Variants in EXOC4 observed in about 807,000 individuals in gnomAD.
EXOC4 encodes SEC8-like 1.
A neutral mutation model predicts 107.2 loss-of-function variants in EXOC4; 71 were observed. The ratio of observed to expected loss-of-function variants is 0.66; its 90% CI spans 0.55 to 0.81. The LOEUF is 0.81. EXOC4 is among the 30% of genes least tolerant of loss of function. The pLI is 0.00. For missense variants in EXOC4, 1,108 were observed against 1,189.6 expected (o/e 0.93, Z 1.01); for synonymous variants, 456 against 441.2 (o/e 1.03, Z -0.42).
chr7:133,822,139 A>G (rs1188172231), intron 11 of EXOC4, among the ~76,000 whole-genome samples: 1 of 152,202 alleles, frequency 6.6e-6, no homozygotes, highest in Non-Finnish European at 1.5e-5. Flanking sequence ...AAGCATGTTG[A>G]TTCAAACTAA....
At chr7:133,663,529 A>G (rs1303363223) in intron 10 of EXOC4, among the ~76,000 whole-genome samples, 1 of 152,158 alleles carries the variant, frequency 6.6e-6, no homozygotes, top group African/African-American at 2.4e-5. Context: ...CTGAGATACC[A>G]ATATTCCACA....
At chr7:133,425,149 A>C (rs1002168166) in intron 7 of EXOC4, among the ~76,000 whole-genome samples, 9 of 152,118 alleles carry the variant, frequency 5.9e-5, no homozygotes, top group Non-Finnish European at 1.2e-4. Flanking sequence ...GCTTCAGGGG[A>C]TAGGGAGATG....
At chr7:133,537,959 T>C (rs1298460977) in intron 9 of EXOC4, among the ~76,000 whole-genome samples, 1 of 152,182 alleles carries the variant, frequency 6.6e-6, no homozygotes, top group African/African-American at 2.4e-5. Flanking sequence ...AATGTTTCCT[T>C]TCTTTAGTAG....
intron 9 of EXOC4, among the ~76,000 whole-genome samples, chr7:133,577,164 A>G (rs925077006): frequency 3.9e-5 from 6 of 152,206 alleles, no homozygotes; most frequent in Non-Finnish European, 5.9e-5. Context: ...GTAATATTGT[A>G]GATTAGAAAA....
chr7:134,034,156 AT>A (rs1795334118), intron 17 of EXOC4, among the ~76,000 whole-genome samples: 1 of 152,214 alleles, frequency 6.6e-6, no homozygotes, highest in African/African-American at 2.4e-5. Flanking sequence ...AATTGGGATA[AT>A]GAGATACAGC....
chr7:133,385,667 C>G (rs1796711465), intron 7 of EXOC4, among the ~76,000 whole-genome samples: 4 of 152,152 alleles, frequency 2.6e-5, no homozygotes, highest in South Asian at 4.1e-4. Flanking sequence ...TGTCGTATTG[C>G]TCCCCATTTT....
chr7:133,411,289 G>A (rs1797349923), intron 7 of EXOC4, among the ~76,000 whole-genome samples: 1 of 152,098 alleles, frequency 6.6e-6, no homozygotes, highest in Non-Finnish European at 1.5e-5. Flanking sequence ...TACATCTGTA[G>A]ACTCATTTTT....
chr7:133,817,627 T>A, intron 11 of EXOC4, 83 bp downstream of exon 11: 1 of 1,001,376 alleles, frequency 1.0e-6, no homozygotes, highest in Non-Finnish European at 1.5e-6. Context: ...AAAGAAGAAT[T>A]ACCATCTGTT....
chr7:133,799,184 A>G (rs964569392), intron 10 of EXOC4, among the ~76,000 whole-genome samples: 1 of 152,202 alleles, frequency 6.6e-6, no homozygotes, highest in African/African-American at 2.4e-5. Flanking sequence ...TTTTCCTCCA[A>G]TTTTATACCC....
At chr7:133,637,996 A>G (rs1273043287) in intron 10 of EXOC4, among the ~76,000 whole-genome samples, 1 of 152,162 alleles carries the variant, frequency 6.6e-6, no homozygotes, top group Non-Finnish European at 1.5e-5. Flanking sequence ...TAGTTAGCAC[A>G]AAAGAATAGG....
rs780529434 is a variant in EXOC4, at chr7:134,064,325, G to A, written c.2722G>A (p.Glu908Lys). Reference sequence around the variant, plus strand: ...CGAGATGCTTTACAACACAGCTGACGAGCTCCTGAACCTGGTGGTGGACCA... The same window carrying A: ...CGAGATGCTTTACAACACAGCTGACAAGCTCCTGAACCTGGTGGTGGACCA... The part of the protein sequence containing the change: ...YYEMLYNTAD[E>K]LLNLVVDQGV... Residue 908 changes from glutamate (E) to lysine (K), a missense_variant, in exon 18 of 18, where the codon GAG becomes AAG. Glu to Lys is a moderately conservative substitution (Grantham distance 56). Coordinates refer to ENST00000253861, the MANE Select transcript of EXOC4 (RefSeq NM_021807.4). 4.7e-6 allele frequency: 7 copies of A among 1,498,974 alleles called. No individual in the cohort carries two copies. Among genetic ancestry groups the A allele is most frequent in the South Asian group, 1.3e-5 (1 of 75,450 alleles). 92.9% of individuals were successfully genotyped at this position (1,498,974 alleles called of 1,614,324 possible).
intron 5 of EXOC4, among the ~76,000 whole-genome samples, chr7:133,354,911 C>G (rs1795990218): frequency 6.6e-6 from 1 of 152,204 alleles, no homozygotes; most frequent in Non-Finnish European, 1.5e-5. Flanking sequence ...CAGACAGATT[C>G]TGCCAGTACA....
At chr7:133,705,066 T>A (rs1026448345) in intron 10 of EXOC4, among the ~76,000 whole-genome samples, 1 of 152,172 alleles carries the variant, frequency 6.6e-6, no homozygotes, top group Non-Finnish European at 1.5e-5. Context: ...ACTATACTTT[T>A]TAAAAATTAA....
chr7:133,858,804 A>C (rs889196927), intron 11 of EXOC4, among the ~76,000 whole-genome samples: 3 of 152,154 alleles, frequency 2.0e-5, no homozygotes, highest in Admixed American at 2.0e-4. Context: ...TTATTTTCAA[A>C]TTAGTCAAAT....
intron 11 of EXOC4, among the ~76,000 whole-genome samples, chr7:133,846,820 T>G (rs1019698490): frequency 6.6e-6 from 1 of 152,360 alleles, no homozygotes; most frequent in Admixed American, 6.5e-5. Flanking sequence ...TCCTGGTATC[T>G]GGACAAGATT....
At chr7:133,309,962 G>T (rs1196484843) in intron 4 of EXOC4, among the ~76,000 whole-genome samples, 3 of 152,162 alleles carry the variant, frequency 2.0e-5, no homozygotes, top group Middle Eastern at 6.8e-3. Flanking sequence ...AACAAAAAAG[G>T]CTATGTAGTC....
intron 14 of EXOC4, among the ~76,000 whole-genome samples, chr7:133,996,576 C>A (rs1794397475): frequency 6.6e-6 from 1 of 151,840 alleles, no homozygotes; most frequent in South Asian, 2.1e-4. Flanking sequence ...TCAAATTTTC[C>A]AAAAAGACCT....
chr7:133,275,279 A>C (rs1793963753), intron 2 of EXOC4, 108 bp downstream of exon 2: 7 of 907,762 alleles, frequency 7.7e-6, no homozygotes, highest in Non-Finnish European at 1.1e-5. Context: ...AAAGTGATTC[A>C]AAATGCCACT....
intron 10 of EXOC4, among the ~76,000 whole-genome samples, chr7:133,666,210 C>T (rs1295364232): frequency 6.6e-6 from 1 of 152,140 alleles, no homozygotes. Flanking sequence ...TCCATTTTCT[C>T]CATCCTTTAA....
Sources: gnomAD v4.1 joint callset for allele counts (sites outside exome capture counted in the v4.1 genomes callset) on GRCh38, gnomAD v4.1.1 for gene constraint, MANE v1.5 for transcripts, NCBI Gene and HGNC (gene_info 2026-07-23, HGNC 2026-07-21) for gene names.